Variants in NUP210 observed in about 807,000 individuals in gnomAD.
NUP210 encodes nuclear pore membrane glycoprotein 210.
Under a neutral mutation model 196.0 loss-of-function variants are expected in NUP210, and 151 were observed. The ratio of observed to expected loss-of-function variants is 0.77; its 90% CI spans 0.67 to 0.88. The LOEUF (loss-of-function observed/expected upper bound fraction) is 0.88. Ranked by LOEUF, NUP210 falls within the 40% of genes least tolerant of loss-of-function variation. The probability of loss-of-function intolerance (pLI) is 0.00; values close to 1 mark genes in which losing one functional copy is unlikely to be tolerated. For synonymous variants in NUP210, 1,070 were observed against 1,052.7 expected (o/e 1.02, Z -0.32); for missense variants, 2,314 against 2,493.7 (o/e 0.93, Z 1.53).
intron 1 of NUP210, among the ~76,000 whole-genome samples, chr3:13,409,985 C>T (rs984758511): frequency 1.4e-5 from 2 of 146,566 alleles, no homozygotes; most frequent in Non-Finnish European, 3.0e-5. Context: ...TACAGGTGCA[C>T]GCCACCTGTA....
intron 20 of NUP210, among the ~76,000 whole-genome samples, chr3:13,343,556 AG>A (rs1303945349): frequency 6.6e-6 from 1 of 152,230 alleles, no homozygotes; most frequent in Non-Finnish European, 1.5e-5. Flanking sequence ...ATAACACATT[AG>A]TGCCAGGCTG....
At chr3:13,343,335 G>GT in intron 20 of NUP210, 32 bp from the exon 21 acceptor site, 3 of 1,567,258 alleles carry the variant, frequency 1.9e-6, no homozygotes, top group East Asian at 2.3e-5. Flanking sequence ...GGAGGGGTGG[G>GT]TGGTGGGTTA....
chr3:13,399,628 G>T, intron 2 of NUP210, 97 bp downstream of exon 2: 1 of 1,531,680 alleles, frequency 6.5e-7, no homozygotes, highest in Non-Finnish European at 8.9e-7. Flanking sequence ...AGAAAGCCCT[G>T]CCATGGGCTC....
intron 33 of NUP210, 137 bp downstream of exon 33, chr3:13,325,658 C>T: frequency 2.0e-6 from 2 of 995,824 alleles, no homozygotes; most frequent in Non-Finnish European, 3.0e-6. Flanking sequence ...AGTGGCCAGT[C>T]CCAGACTCAT....
chr3:13,389,652 C>T (rs1687162457), intron 4 of NUP210, among the ~76,000 whole-genome samples: 2 of 152,148 alleles, frequency 1.3e-5, no homozygotes, highest in South Asian at 2.1e-4. Context: ...ATGAGGACGT[C>T]GGCCTGGAGT....
chr3:13,389,128 A>G (rs1384634836), intron 4 of NUP210, among the ~76,000 whole-genome samples: 1 of 152,200 alleles, frequency 6.6e-6, no homozygotes, highest in Non-Finnish European at 1.5e-5. Context: ...CAATCTGCCA[A>G]TGCTGGGCCG....
chr3:13,375,666 G>A lies in NUP210; in HGVS notation c.1294-25C>T, dbSNP rs374530247. 49 of 1,603,814 alleles carry A rather than the reference G, an allele frequency of 3.1e-5. No homozygotes were observed. The East Asian group carries it at 8.3e-4, about 27-fold the overall frequency. On this transcript the variant is annotated intron_variant, in intron 10 of 39. Transcript: ENST00000254508. ...CCTACAAGGGGTGAGGGTGCCACAC[G>A]TAACCATGACAACCATGTCATCATC...
chr3:13,408,421 A>T (rs1391218933), intron 1 of NUP210, among the ~76,000 whole-genome samples: 1 of 152,184 alleles, frequency 6.6e-6, no homozygotes, highest in East Asian at 1.9e-4. Flanking sequence ...TCTGTAAAGA[A>T]CCTGTATCAT....
chr3:13,332,570 G>C (rs1024590495), intron 28 of NUP210, among the ~76,000 whole-genome samples, 186 bp from the exon 29 acceptor site: 1 of 151,646 alleles, frequency 6.6e-6, no homozygotes, highest in Non-Finnish European at 1.5e-5. Context: ...AGGTGTGGCC[G>C]GGTAGAGTAG....
chr3:13,369,446 A>G (rs1247542849), intron 13 of NUP210, among the ~76,000 whole-genome samples: 4 of 151,822 alleles, frequency 2.6e-5, no homozygotes, highest in Non-Finnish European at 5.9e-5. Context: ...TCTATTTTTA[A>G]TTTGTAGCCT....
In NUP210 at chr3:13,350,145, C is replaced by T. The variant is rs925351761; in HGVS notation, c.2835+1734G>A. 1.3e-5 allele frequency among the ~76,000 whole-genome samples: 2 copies of T among 152,112 alleles called. No homozygotes were observed. Among genetic ancestry groups the T allele is most frequent in the Non-Finnish European group, 2.9e-5 (2 of 68,026 alleles). On this transcript the variant is annotated intron_variant, in intron 20 of 39. Coordinates refer to ENST00000254508, the MANE Select transcript of NUP210 (RefSeq NM_024923.4). The surrounding 1 kb of genome is among the most constrained non-coding windows in gnomAD (Gnocchi z 4.1). ...ATACCAAGGTGTTATCCCCTAAGAG[C>T]AGTATCAGAGACTTCTTACTGGGGA...
chr3:13,352,012 C>T (rs376291149), intron 19 of NUP210, 32 bp from the exon 20 acceptor site: 39 of 1,605,886 alleles, frequency 2.4e-5, no homozygotes, highest in Middle Eastern at 1.6e-4. Flanking sequence ...AGGGTTGGGC[C>T]GCATGTGGGA....
At chr3:13,342,236 G>A (rs771839956) in intron 21 of NUP210, 113 bp from the exon 22 acceptor site, 12 of 1,332,410 alleles carry the variant, frequency 9.0e-6, no homozygotes, top group Non-Finnish European at 1.1e-5. Context: ...ACAGACCTGG[G>A]AATCAGGAGA....
rs1030568049 is a variant in NUP210 at position 13,323,977 on chromosome 3, C to T, written c.4645-545G>A. Among the ~76,000 whole-genome samples, 57 of 152,336 alleles carry T rather than the reference C, an allele frequency of 3.7e-4. No homozygotes were observed. Among genetic ancestry groups the T allele is most frequent in the African/African-American group, 1.3e-3 (56 of 41,574 alleles). ...ACTTCCTGCAGCTGAAGGCCCCCCTCCCTCTCTCAGCAGGCACCAGCGCTC... is the reference window on the plus strand; with the variant it reads ...ACTTCCTGCAGCTGAAGGCCCCCCTTCCTCTCTCAGCAGGCACCAGCGCTC... On this transcript the variant is annotated intron_variant, in intron 33 of 39. Transcript: ENST00000254508. The surrounding 1 kb of genome is among the most constrained non-coding windows in gnomAD (Gnocchi z 4.3).
Position 13,365,999 on chromosome 3 carries a change from C to T in NUP210, c.1879G>A (p.Gly627Ser), listed in dbSNP as rs778461341. 19 of 1,614,062 alleles carry T rather than the reference C, an allele frequency of 1.2e-5. No homozygotes were observed. The highest frequency in any genetic ancestry group is 8.8e-5 in the South Asian group (8 of 91,090). Residue 627 changes from glycine to serine, a missense_variant, in exon 14 of 40, where the codon GGC (glycine) becomes AGC (serine). Coordinates refer to ENST00000254508, the MANE Select transcript of NUP210 (RefSeq NM_024923.4). ...STTLLVSYRH[G>S]HVHLSAKITI... ...ATCTTGGCACTCAGGTGGACGTGGC[C>T]GTGTCTGTAGCTCACAAGAAGCGTG... is the stretch of plus-strand genomic sequence containing the variant.
Position 13,397,371 on chromosome 3 carries a change from G to A in NUP210, c.422C>T (p.Ala141Val). The A allele has an allele frequency of 6.2e-7, 1 of 1,610,730 alleles. No individual in the cohort carries two copies. Among genetic ancestry groups the A allele is most frequent in the Non-Finnish European group, 8.5e-7 (1 of 1,178,856 alleles). ...EDSPLELKIQ[A>V]LDSEGNTFST... ...GACGTTCTCACCTTCGGAGTCCAGG[G>A]CCTGGATCTTCAGCTCCAGGGGGGA... The change falls in exon 3 of 40, where the codon GCC becomes GTC. Residue 141 changes from alanine (A) to valine (V), a missense_variant. Transcript: ENST00000254508.
intron 13 of NUP210, among the ~76,000 whole-genome samples, chr3:13,366,307 T>G (rs1432975968): frequency 6.6e-6 from 1 of 151,924 alleles, no homozygotes; most frequent in Admixed American, 6.6e-5. Context: ...TTTTGTATTT[T>G]TTTTAATAGA....
intron 3 of NUP210, among the ~76,000 whole-genome samples, chr3:13,391,719 C>T (rs1174391977): frequency 6.7e-6 from 1 of 150,306 alleles, no homozygotes; most frequent in Non-Finnish European, 1.5e-5. Context: ...AACTCCTCTC[C>T]CTCCCTGTGC....
In NUP210 at chr3:13,420,051, G is replaced by A. The variant is rs1300948204; in HGVS notation, c.167+9C>T. On this transcript the variant is annotated intron_variant, in intron 1 of 39. Coordinates refer to ENST00000254508, the MANE Select transcript of NUP210 (RefSeq NM_024923.4). This position sits in a 1 kb window ranked among gnomAD's most constrained non-coding sequence, Gnocchi z 4.8. ...CACGGCGCCCGCCCGGCCCGGCCGC[G>A]CGCCTCACCAGCGGTAGCAGCCCTC... 1.1e-5 allele frequency: 14 copies of A among 1,276,214 alleles called. No homozygotes were observed. Among genetic ancestry groups the A allele is most frequent in the African/African-American group, 3.2e-5 (2 of 63,390 alleles). 79.1% of individuals were successfully genotyped at this position (1,276,214 alleles called of 1,614,324 possible).
Sources: allele counts gnomAD v4.1 joint callset (sites outside exome capture counted in the v4.1 genomes callset), GRCh38; gene constraint gnomAD v4.1.1; non-coding constraint Gnocchi (gnomAD v3.1); transcripts MANE v1.5; gene names NCBI Gene and HGNC (gene_info 2026-07-23, HGNC 2026-07-21).